PBX3: variants seen among roughly 807,000 people sequenced by gnomAD.
The protein encoded by PBX3 is PBX homeobox 3.
A neutral mutation model predicts 48.5 loss-of-function variants in PBX3; 14 were observed. The ratio of observed to expected loss-of-function variants is 0.29; its 90% confidence interval spans 0.19 to 0.45. The LOEUF is 0.45. PBX3 is among the 20% of genes least tolerant of loss of function. PBX3 has a pLI of 1.00. For missense variants in PBX3, 386 were observed against 546.7 expected (o/e 0.71, Z 2.93); for synonymous variants, 210 against 200.3 (o/e 1.05, Z -0.41).
chr9:125,965,594 G>A (rs1466340973), intron 8 of PBX3, among the ~76,000 whole-genome samples: 1 of 152,186 alleles, frequency 6.6e-6, no homozygotes, highest in African/African-American at 2.4e-5. Context: ...CATGGGCCTC[G>A]CTGAAGCCCT....
In PBX3 at chr9:125,935,527, T is replaced by C; in HGVS notation, c.763T>C (p.Tyr255His). 1 of 1,613,800 alleles carries C rather than the reference T, an allele frequency of 6.2e-7. No individual in the cohort carries two copies. The highest frequency in any genetic ancestry group is 8.5e-7 in the Non-Finnish European group (1 of 1,179,780). Residue 255 changes from tyrosine (Y) to histidine (H), a missense_variant, in exon 5 of 9, where the codon TAC becomes CAC. Coordinates refer to ENST00000373489, the MANE Select transcript of PBX3 (RefSeq NM_006195.6). ...QATEILNEYF[Y>H]SHLSNPYPSE... ...CACAGAAATCTTGAATGAATATTTT[T>C]ACTCACACCTCAGCAACCCCTACCC...
In PBX3 at chr9:125,915,679, C is replaced by T. The variant is rs1841313746; in HGVS notation, c.275-7C>T. Reference sequence around the variant, plus strand: ...CTCTCTCTGTCTCTCTCTCTCTTTCCTTGAAGGTCTCAGCATCAGAGGAGC... The same window carrying T: ...CTCTCTCTGTCTCTCTCTCTCTTTCTTTGAAGGTCTCAGCATCAGAGGAGC... On this transcript the variant is annotated splice_region_variant and splice_polypyrimidine_tract_variant and intron_variant, in intron 2 of 8. Coordinates refer to ENST00000373489, the MANE Select transcript of PBX3 (RefSeq NM_006195.6). 1 of 1,598,328 alleles carries T rather than the reference C, an allele frequency of 6.3e-7. No homozygotes were observed. Among genetic ancestry groups the T allele is most frequent in the Admixed American group, 1.7e-5 (1 of 58,304 alleles).
chr9:125,886,576 T>A (rs1482471984), intron 2 of PBX3, among the ~76,000 whole-genome samples: 3 of 152,128 alleles, frequency 2.0e-5, no homozygotes, highest in Non-Finnish European at 4.4e-5. Context: ...GGGAGTGTAA[T>A]TTACTGAGAG....
chr9:125,956,480 G>A (rs7859271), intron 5 of PBX3, among the ~76,000 whole-genome samples: 6,001 of 152,246 alleles, frequency 0.039, 423 homozygotes, highest in African/African-American at 0.14. Flanking sequence ...GCTGAATTGC[G>A]TGGGGGAAAT....
chr9:125,818,401 C>T (rs1224725711), intron 2 of PBX3, among the ~76,000 whole-genome samples: 7 of 151,620 alleles, frequency 4.6e-5, no homozygotes, highest in African/African-American at 1.7e-4. Flanking sequence ...GTGGCATGAT[C>T]TCAGCTCACT....
chr9:125,847,963 C>T (rs997270833), intron 2 of PBX3, among the ~76,000 whole-genome samples: 7 of 151,964 alleles, frequency 4.6e-5, no homozygotes, highest in Non-Finnish European at 1.0e-4. Context: ...GGGTCTGGCA[C>T]AGAGCAACAT....
chr9:125,848,097 T>C (rs930913620), intron 2 of PBX3, among the ~76,000 whole-genome samples: 1 of 152,036 alleles, frequency 6.6e-6, no homozygotes, highest in African/African-American at 2.4e-5. Context: ...ACTTACTTTG[T>C]GTGAAATATT....
intron 2 of PBX3, among the ~76,000 whole-genome samples, chr9:125,811,302 GCA>G (rs1233361102): frequency 6.6e-6 from 1 of 152,198 alleles, no homozygotes; most frequent in Non-Finnish European, 1.5e-5. Context: ...AGTTCTGAAG[GCA>G]GGGAAGTGCA....
chr9:125,846,662 A>C (rs566780131), intron 2 of PBX3, among the ~76,000 whole-genome samples: 4 of 152,026 alleles, frequency 2.6e-5, no homozygotes, highest in African/African-American at 4.8e-5. Flanking sequence ...CTCCTTCTAC[A>C]TTTTAAAAAG....
At chr9:125,911,054 A>G (rs974263081) in intron 2 of PBX3, among the ~76,000 whole-genome samples, 4 of 151,920 alleles carry the variant, frequency 2.6e-5, no homozygotes, top group Admixed American at 6.6e-5. Flanking sequence ...TGAGAACCTT[A>G]CCCTCCCAAC....
At chr9:125,779,569 G>T (rs1432788235) in intron 2 of PBX3, among the ~76,000 whole-genome samples, 13 of 91,352 alleles carry the variant, frequency 1.4e-4, no homozygotes, top group African/African-American at 6.1e-4. Context: ...AGAGCACAGG[G>T]TTGGGGGTAA....
intron 2 of PBX3, among the ~76,000 whole-genome samples, chr9:125,871,272 T>C (rs1192093632): frequency 6.6e-6 from 1 of 151,684 alleles, no homozygotes; most frequent in Non-Finnish European, 1.5e-5. Flanking sequence ...TGGTGGGTGC[T>C]TGTAGTCCCA....
At chr9:125,913,953 T>A (rs1369293620) in intron 2 of PBX3, among the ~76,000 whole-genome samples, 2 of 152,164 alleles carry the variant, frequency 1.3e-5, no homozygotes, top group Non-Finnish European at 2.9e-5. Context: ...GCATGCCAAA[T>A]GCACAAAAAA....
At chr9:125,797,876 A>G (rs1359128989) in intron 2 of PBX3, among the ~76,000 whole-genome samples, 4 of 152,146 alleles carry the variant, frequency 2.6e-5, no homozygotes, top group African/African-American at 9.6e-5. Context: ...ATTAACAGTA[A>G]CAATAGCAAG....
chr9:125,772,115 T>C (rs1007581621), intron 2 of PBX3, among the ~76,000 whole-genome samples: 1 of 152,222 alleles, frequency 6.6e-6, no homozygotes, highest in Non-Finnish European at 1.5e-5. Flanking sequence ...ATCATGTGCC[T>C]CCTGAGGGCA....
chr9:125,777,263 C>G (rs902272364), intron 2 of PBX3, among the ~76,000 whole-genome samples: 8 of 151,572 alleles, frequency 5.3e-5, no homozygotes, highest in Admixed American at 1.3e-4. Flanking sequence ...TCTGCCTGGC[C>G]CAGCCACCCA....
At chr9:125,854,165 G>A (rs1310996673) in intron 2 of PBX3, among the ~76,000 whole-genome samples, 1 of 151,886 alleles carries the variant, frequency 6.6e-6, no homozygotes, top group African/African-American at 2.4e-5. Flanking sequence ...AGGGTCTCAC[G>A]CTGTTGCCCA....
At chr9:125,953,463 C>T (rs886297897) in intron 5 of PBX3, among the ~76,000 whole-genome samples, 12 of 130,806 alleles carry the variant, frequency 9.2e-5, no homozygotes, top group African/African-American at 2.8e-4. Flanking sequence ...CGCAACAGAG[C>T]GAGACCCTGT....
At chr9:125,871,172 G>A (rs1459314669) in intron 2 of PBX3, among the ~76,000 whole-genome samples, 3 of 152,164 alleles carry the variant, frequency 2.0e-5, no homozygotes, top group Admixed American at 1.3e-4. Context: ...GCCGAGGTGG[G>A]CAGATCATGA....
Sources: allele counts gnomAD v4.1 joint callset (sites outside exome capture counted in the v4.1 genomes callset), GRCh38; gene constraint gnomAD v4.1.1; transcripts MANE v1.5; gene names NCBI Gene and HGNC (gene_info 2026-07-23, HGNC 2026-07-21).